NECAB1: variants seen among roughly 807,000 people sequenced by gnomAD.
The protein encoded by NECAB1 is N-terminal EF-hand calcium-binding protein 1.
In NECAB1, 29 loss-of-function variants were observed where a neutral mutation model predicts 57.5. The ratio of observed to expected loss-of-function variants is 0.50; its 90% confidence interval spans 0.38 to 0.69. NECAB1 has a LOEUF of 0.69. Among genes scored for constraint, NECAB1 ranks in the 30% least tolerant of loss-of-function variants. The pLI, the probability that NECAB1 is intolerant of heterozygous loss-of-function variation, is 0.00. For synonymous variants in NECAB1, 142 were observed against 147.7 expected (o/e 0.96, Z 0.28); for missense variants, 372 against 413.8 (o/e 0.90, Z 0.88).
chr8:90,934,801 A>T (rs1810494602), intron 9 of NECAB1, among the ~76,000 whole-genome samples: 1 of 152,152 alleles, frequency 6.6e-6, no homozygotes, highest in Admixed American at 6.5e-5. Flanking sequence ...TTTTTCAAAG[A>T]ATAAATTGAT....
Position 90,957,868 on chromosome 8 carries a change from G to C in NECAB1, c.*2356G>C, listed in dbSNP as rs539449621. On this transcript the variant is annotated 3_prime_UTR_variant, in exon 13 of 13. Coordinates refer to ENST00000417640, the MANE Select transcript of NECAB1 (RefSeq NM_022351.5). ...AAAAAATTAAAAAATAAAAAAAAGA[G>C]GTCACTAAAAGACCAAGATGGGAAA... The C allele has an allele frequency of 1.4e-3, 206 of 149,832 alleles. 1 individual carries two copies. Among genetic ancestry groups the C allele is most frequent in the African/African-American group, 4.9e-3 (201 of 41,088 alleles). The allele number at this position is 149,832 out of a possible 1,614,324, so 9.3% of individuals were successfully genotyped here.
At chr8:90,866,392 C>T (rs1174533293) in intron 3 of NECAB1, among the ~76,000 whole-genome samples, 1 of 152,080 alleles carries the variant, frequency 6.6e-6, no homozygotes, top group Non-Finnish European at 1.5e-5. Flanking sequence ...CTTTGTAAGC[C>T]CCAATTAACA....
intron 2 of NECAB1, among the ~76,000 whole-genome samples, chr8:90,811,749 T>C (rs760717816): frequency 5.3e-5 from 8 of 152,156 alleles, no homozygotes; most frequent in Non-Finnish European, 8.8e-5. Flanking sequence ...GTAGGCTTTC[T>C]TATCAAGGTG....
intron 9 of NECAB1, among the ~76,000 whole-genome samples, chr8:90,937,749 C>T (rs530442361): frequency 1.4e-4 from 22 of 152,308 alleles, no homozygotes; most frequent in African/African-American, 5.3e-4. Flanking sequence ...GACTTTTCTT[C>T]AGCACATTGT....
In NECAB1 at chr8:90,958,933, T is replaced by C; in HGVS notation, c.*3421T>C. ...TTAAGAATAAATTGAATTGTCACAG[T>C]CCATTACAGTTATTGTTGCTAGATC... On this transcript the variant is annotated 3_prime_UTR_variant, in exon 13 of 13. Transcript: ENST00000417640. The C allele has an allele frequency of 1.2e-6, 1 of 832,928 alleles. No homozygotes were observed. Among genetic ancestry groups the C allele is most frequent in the East Asian group, 3.0e-5 (1 of 33,284 alleles). 51.6% of individuals were successfully genotyped at this position (832,928 alleles called of 1,614,324 possible).
intron 3 of NECAB1, among the ~76,000 whole-genome samples, chr8:90,842,606 G>A (rs1812473203): frequency 6.6e-6 from 1 of 152,202 alleles, no homozygotes; most frequent in African/African-American, 2.4e-5. Context: ...AATGAATGCT[G>A]GGCTGTCTGG....
intron 4 of NECAB1, among the ~76,000 whole-genome samples, chr8:90,873,277 G>T (rs937692214): frequency 1.3e-5 from 2 of 152,190 alleles, no homozygotes; most frequent in African/African-American, 4.8e-5. Context: ...AAGGTACTCC[G>T]GTACCAAAGC....
intron 3 of NECAB1, among the ~76,000 whole-genome samples, chr8:90,870,450 T>G (rs1478132522): frequency 1.3e-5 from 2 of 152,216 alleles, no homozygotes; most frequent in African/African-American, 4.8e-5. Context: ...TATTGATCTA[T>G]GTTCTAACTA....
chr8:90,917,351 T>C (rs1174359851), intron 5 of NECAB1, 141 bp from the exon 6 acceptor site: 11 of 612,632 alleles, frequency 1.8e-5, no homozygotes, highest in Non-Finnish European at 2.8e-5. Context: ...CCTCCAGGGC[T>C]CGACAGATCT....
chr8:90,810,425 T>C (rs1811938498), intron 2 of NECAB1, among the ~76,000 whole-genome samples: 1 of 152,202 alleles, frequency 6.6e-6, no homozygotes, highest in Non-Finnish European at 1.5e-5. Flanking sequence ...GACAAAAGAA[T>C]ACATTTACTT....
At chr8:90,851,384 A>G (rs914978992) in intron 3 of NECAB1, among the ~76,000 whole-genome samples, 1 of 152,160 alleles carries the variant, frequency 6.6e-6, no homozygotes, top group Non-Finnish European at 1.5e-5. Context: ...TCTACCAGCA[A>G]TTGGCATCTG....
chr8:90,923,765 G>C (rs915759499), intron 6 of NECAB1, among the ~76,000 whole-genome samples: 1 of 152,100 alleles, frequency 6.6e-6, no homozygotes, highest in African/African-American at 2.4e-5. Context: ...ACACAAAAGA[G>C]GTCTTGGAAA....
chr8:90,954,746 A>G (rs576513471), intron 12 of NECAB1, among the ~76,000 whole-genome samples: 52 of 150,870 alleles, frequency 3.4e-4, no homozygotes, highest in Non-Finnish European at 1.2e-4. Flanking sequence ...ATGTGTATAA[A>G]TATATGGTAT....
chr8:90,807,188 A>G (rs1268125184), intron 2 of NECAB1, among the ~76,000 whole-genome samples: 1 of 152,214 alleles, frequency 6.6e-6, no homozygotes, highest in African/African-American at 2.4e-5. Context: ...TGAATGACTA[A>G]TACACCTCCA....
chr8:90,895,802 A>G (rs1809313643), intron 5 of NECAB1, among the ~76,000 whole-genome samples: 1 of 152,234 alleles, frequency 6.6e-6, no homozygotes, highest in African/African-American at 2.4e-5. Context: ...GAAGTATTCC[A>G]TAGAGAAGTA....
intron 8 of NECAB1, among the ~76,000 whole-genome samples, chr8:90,933,857 G>C (rs537112971): frequency 1.3e-5 from 2 of 152,058 alleles, no homozygotes; most frequent in South Asian, 4.2e-4. Context: ...TTAACACCAG[G>C]GTATAAATGT....
chr8:90,896,424 G>A (rs1809335006), intron 5 of NECAB1, among the ~76,000 whole-genome samples: 1 of 151,972 alleles, frequency 6.6e-6, no homozygotes, highest in African/African-American at 2.4e-5. Flanking sequence ...CTAACATGGT[G>A]AAACCCCGTC....
Position 90,801,734 on chromosome 8 carries a change from A to T in NECAB1, c.124+19A>T. Reference sequence around the variant, plus strand: ...AAAAATGGTAAGACCAAAAATCTACAGTATCTATTTATTAATCTCTTACAT... The same window carrying T: ...AAAAATGGTAAGACCAAAAATCTACTGTATCTATTTATTAATCTCTTACAT... On this transcript the variant is annotated intron_variant, in intron 2 of 12. Transcript: ENST00000417640. The T allele has an allele frequency of 6.7e-7, 1 of 1,481,492 alleles. No homozygotes were observed. The highest frequency in any genetic ancestry group is 1.3e-5 in the South Asian group (1 of 77,780). The allele number at this position is 1,481,492 out of a possible 1,614,324, so 91.8% of individuals were successfully genotyped here.
At position 90,848,066 on chromosome 8, in the gene NECAB1, A is replaced by C. The variant is rs549494294; in HGVS notation, c.233+23241A>C. Reference sequence around the variant, plus strand: ...TTTTCTATTGCATTGTCAGGCTGCAAATTTTCCAAACTTTTATGGTTTGCT... The same window carrying C: ...TTTTCTATTGCATTGTCAGGCTGCACATTTTCCAAACTTTTATGGTTTGCT... On this transcript the variant is annotated intron_variant, in intron 3 of 12. Coordinates refer to ENST00000417640, the MANE Select transcript of NECAB1 (RefSeq NM_022351.5). Among the ~76,000 whole-genome samples the C allele has an allele frequency of 2.0e-5, 3 of 152,258 alleles. 1 individual carries two copies. In the South Asian group the frequency reaches 6.2e-4, roughly 32 times the overall value.
Sources: allele counts gnomAD v4.1 joint callset (sites outside exome capture counted in the v4.1 genomes callset), GRCh38; gene constraint gnomAD v4.1.1; transcripts MANE v1.5; gene names NCBI Gene and HGNC (gene_info 2026-07-23, HGNC 2026-07-21).